IL17D: variants seen among roughly 807,000 people sequenced by gnomAD.
IL17D encodes the protein interleukin-17D.
A neutral mutation model predicts 5.7 loss-of-function variants in IL17D; 10 were observed. The observed-to-expected ratio is 1.75, with a 90% confidence interval of 1.08 to 2.97. The LOEUF (loss-of-function observed/expected upper bound fraction) is 2.97. Ranked by LOEUF, IL17D falls within the 30% of genes most tolerant of loss-of-function variation. IL17D has a pLI of 0.00. For missense variants in IL17D, 354 were observed against 292.7 expected (o/e 1.21, Z -1.53); for synonymous variants, 172 against 141.7 (o/e 1.21, Z -1.52).
At chr13:20,721,519 C>G in intron 1 of IL17D, 117 bp from the exon 2 acceptor site, 1 of 816,860 alleles carries the variant, frequency 1.2e-6, no homozygotes, top group Non-Finnish European at 1.8e-6. Flanking sequence ...CGCACGCGCC[C>G]GCAGGCGGAG....
intron 1 of IL17D, among the ~76,000 whole-genome samples, chr13:20,711,684 C>T (rs1381731326): frequency 6.6e-6 from 1 of 152,186 alleles, no homozygotes; most frequent in Non-Finnish European, 1.5e-5. Context: ...TCAGGTACCC[C>T]GGCTGAAGGA....
intron 1 of IL17D, chr13:20,714,072 G>GTGTTT (rs1447980043): frequency 6.6e-6 from 1 of 152,264 alleles, no homozygotes; most frequent in Non-Finnish European, 1.5e-5. Context: ...GGCATGAGTC[G>GTGTTT]TGTTTTTCCT....
intron 1 of IL17D, among the ~76,000 whole-genome samples, chr13:20,718,764 A>C (rs2058705246): frequency 7.8e-6 from 1 of 127,978 alleles, no homozygotes; most frequent in Non-Finnish European, 1.6e-5. Context: ...GTGCTCACAC[A>C]CCCGCCCATG....
chr13:20,703,996 G>C lies in IL17D; in HGVS notation c.-6G>C, dbSNP rs1325155634. The C allele has an allele frequency of 2.0e-6, 2 of 1,017,802 alleles. No homozygotes were observed. Among genetic ancestry groups the C allele is most frequent in the African/African-American group, 3.5e-5 (2 of 57,150 alleles). The allele number at this position is 1,017,802 out of a possible 1,614,324, so 63.0% of individuals were successfully genotyped here. ...ACGCTGAGCGTGGCCTGTCCCTCAG[G>C]TCTGGATGCTGGTAGCCGGCTTCCT... On this transcript the variant is annotated 5_prime_UTR_variant, in exon 1 of 2. Transcript: ENST00000682841.
chr13:20,718,727 CAT>C (rs1331008303), intron 1 of IL17D, among the ~76,000 whole-genome samples: 2 of 123,330 alleles, frequency 1.6e-5, no homozygotes, highest in Admixed American at 7.9e-5. Context: ...CACTTACACA[CAT>C]GGCTACGCTC....
At position 20,721,842 on chromosome 13, in the gene IL17D, G is replaced by T. The variant is rs750739844; in HGVS notation, c.497G>T (p.Gly166Val). The change falls in exon 2 of 2, where the codon GGC becomes GTC. Residue 166 changes from glycine (G) to valine (V), a missense_variant. Transcript: ENST00000682841. ...GAGGCCTACGTCACCATCCCCGTGGGCTGCACCTGCGTCCCCGAGCCGGAG... is the reference window on the plus strand; with the variant it reads ...GAGGCCTACGTCACCATCCCCGTGGTCTGCACCTGCGTCCCCGAGCCGGAG... ...YTEAYVTIPV[G>V]CTCVPEPEKD... 2 of 1,610,588 alleles carry T rather than the reference G, an allele frequency of 1.2e-6. No homozygotes were observed. Among genetic ancestry groups the T allele is most frequent in the South Asian group, 1.1e-5 (1 of 91,068 alleles).
intron 1 of IL17D, among the ~76,000 whole-genome samples, chr13:20,704,849 A>G (rs149441779): frequency 1.6e-3 from 250 of 152,208 alleles, no homozygotes; most frequent in African/African-American, 5.6e-3. Context: ...CCTGTGGTCC[A>G]GAGGCTGCTG....
chr13:20,708,975 AAAAGAAAG>A (rs1159681293), intron 1 of IL17D, among the ~76,000 whole-genome samples: 12 of 144,738 alleles, frequency 8.3e-5, no homozygotes, highest in East Asian at 1.9e-4. Context: ...AAAAAAAAAA[AAAAGAAAG>A]AAAGAAAAGA....
chr13:20,704,115 A>G lies in IL17D; in HGVS notation c.114A>G (p.Leu38=), dbSNP rs1187370970. The change falls in exon 1 of 2, where the codon CTA becomes CTG. Residue 38 remains leucine (L), a synonymous_variant. Coordinates refer to ENST00000682841, the MANE Select transcript of IL17D (RefSeq NM_001385224.1). ...GCTGCGCGGACCGGCCGGAGGAGCT[A>G]CTGGAGCAGCTGTACGGGCGCCTGG... ...PRGCADRPEE[L]LEQLYGRLAA... is the part of the protein sequence containing the mutation. 47 of 1,299,172 alleles carry G rather than the reference A, an allele frequency of 3.6e-5. No homozygotes were observed. The highest frequency in any genetic ancestry group is 4.6e-5 in the Non-Finnish European group (47 of 1,012,164). 80.5% of individuals were successfully genotyped at this position (1,299,172 alleles called of 1,614,324 possible).
intron 1 of IL17D, among the ~76,000 whole-genome samples, chr13:20,717,719 C>A (rs538364293): frequency 6.6e-6 from 1 of 152,208 alleles, no homozygotes; most frequent in Non-Finnish European, 1.5e-5. Context: ...CGCCCCTGTT[C>A]ATGCCTCTGA....
intron 1 of IL17D, among the ~76,000 whole-genome samples, chr13:20,717,860 G>A (rs1432198499): frequency 1.3e-5 from 2 of 152,144 alleles, no homozygotes; most frequent in African/African-American, 2.4e-5. Context: ...ATTTTTAGGC[G>A]GATGAAACTC....
rs1011957981 is a variant in IL17D at position 20,722,270 on chromosome 13, G to C, written c.*316G>C. 6 of 350,992 alleles carry C rather than the reference G, an allele frequency of 1.7e-5. No individual in the cohort carries two copies. Among genetic ancestry groups the C allele is most frequent in the Middle Eastern group, 7.8e-4 (1 of 1,288 alleles). 21.7% of individuals were successfully genotyped at this position (350,992 alleles called of 1,614,324 possible). On this transcript the variant is annotated 3_prime_UTR_variant, in exon 2 of 2. Transcript: ENST00000682841. Reference sequence around the variant, plus strand: ...GCTCCCTGAGGAGCCTCTCAGATCGGCTGCTGCGGGTGCAGGGCGTGACTC... The same window carrying C: ...GCTCCCTGAGGAGCCTCTCAGATCGCCTGCTGCGGGTGCAGGGCGTGACTC...
intron 1 of IL17D, among the ~76,000 whole-genome samples, chr13:20,706,465 G>C (rs2141382101): frequency 6.6e-6 from 1 of 152,378 alleles, no homozygotes; most frequent in South Asian, 2.1e-4. Context: ...GCTGGGCCAA[G>C]GGCCTAAGAG....
At chr13:20,720,311 G>T (rs2058721112) in intron 1 of IL17D, among the ~76,000 whole-genome samples, 1 of 152,090 alleles carries the variant, frequency 6.6e-6, no homozygotes, top group African/African-American at 2.4e-5. Flanking sequence ...CTCCCTCTGC[G>T]GCTCCAGCCC....
At chr13:20,702,859 T>C (rs1483809058), upstream of IL17D, 1 of 152,226 alleles carries the variant, frequency 6.6e-6, no homozygotes, top group African/African-American at 2.4e-5. Flanking sequence ...TTATTAAAAA[T>C]AGAGATTTAA....
At chr13:20,705,608 G>A (rs908709436) in intron 1 of IL17D, among the ~76,000 whole-genome samples, 2 of 152,312 alleles carry the variant, frequency 1.3e-5, no homozygotes, top group East Asian at 3.9e-4. Context: ...TAAGTGGGAG[G>A]ATAGATTGAG....
chr13:20,719,078 CACA>C (rs2058711286), intron 1 of IL17D, among the ~76,000 whole-genome samples: 1 of 147,898 alleles, frequency 6.8e-6, no homozygotes, highest in Non-Finnish European at 1.5e-5. Flanking sequence ...CATGCTGACA[CACA>C]ACTACCCATG....
rs929741728 is a variant in IL17D at position 20,722,271 on chromosome 13, C to G, written c.*317C>G. On this transcript the variant is annotated 3_prime_UTR_variant, in exon 2 of 2. Coordinates refer to ENST00000682841, the MANE Select transcript of IL17D (RefSeq NM_001385224.1). ...CTCCCTGAGGAGCCTCTCAGATCGG[C>G]TGCTGCGGGTGCAGGGCGTGACTCA... 8.6e-6 allele frequency: 3 copies of G among 350,006 alleles called. No individual in the cohort carries two copies. Among genetic ancestry groups the G allele is most frequent in the Non-Finnish European group, 1.0e-5 (2 of 195,266 alleles). The allele number at this position is 350,006 out of a possible 1,614,324, so 21.7% of individuals were successfully genotyped here.
Position 20,721,941 on chromosome 13 carries a change from C to A in IL17D, c.596C>A (p.Pro199His). 6.3e-7 allele frequency: 1 copy of A among 1,596,052 alleles called. No homozygotes were observed. Among genetic ancestry groups the A allele is most frequent in the Non-Finnish European group, 8.5e-7 (1 of 1,174,504 alleles). ...CTCCTGCTGGGCCCCAACGACGCGC[C>A]CGCTGGCCCCTGAGGCCGGTCCTGC... Reference protein sequence around the residue: ...AKLLLGPNDAPAGP With the variant: ...AKLLLGPNDAHAGP The change falls in exon 2 of 2, where the codon CCC becomes CAC. Residue 199 changes from proline (P) to histidine (H), a missense_variant. Pro to His is a moderately conservative substitution (Grantham distance 77). Coordinates refer to ENST00000682841, the MANE Select transcript of IL17D (RefSeq NM_001385224.1).
Sources: allele counts gnomAD v4.1 joint callset (sites outside exome capture counted in the v4.1 genomes callset), GRCh38; gene constraint gnomAD v4.1.1; transcripts MANE v1.5; gene names NCBI Gene and HGNC (gene_info 2026-07-23, HGNC 2026-07-21).